The following RPS18 variants were observed in gnomAD, a reference collection of about 807,000 sequenced individuals.
The protein encoded by RPS18 is small ribosomal subunit protein uS13.
For missense variants in RPS18, 49 were observed against 200.8 expected, an observed-to-expected ratio of 0.24 and a Z score of 4.57; for synonymous variants, 64 against 70.9, an observed-to-expected ratio of 0.90 and a Z score of 0.49.
intron 1 of RPS18, 67 bp downstream of exon 1, chr6:33,272,189 G>C (rs915140259): frequency 3.9e-6 from 6 of 1,542,638 alleles, no homozygotes; most frequent in African/African-American, 1.4e-5. Context: ...CGGCTGTCAG[G>C]GTTCTGGAAA....
chr6:33,272,392 G>A, intron 1 of RPS18: 1 of 605,304 alleles, frequency 1.7e-6, no homozygotes, highest in Non-Finnish European at 2.9e-6. Flanking sequence ...GAATGGGCAG[G>A]AGACCTGCTT....
intron 1 of RPS18, 109 bp from the exon 2 acceptor site, chr6:33,272,519 C>T (rs1279141919): frequency 1.9e-5 from 14 of 749,666 alleles, no homozygotes; most frequent in Non-Finnish European, 3.2e-5. Flanking sequence ...GGTGTCTTGC[C>T]ACTTGTGTGA....
In RPS18 at chr6:33,272,182, C is replaced by T. The variant is rs539089628; in HGVS notation, c.3+60C>T. ...TCGCAGCTCGGGCAAGGAAAGCCGG[C>T]TGTCAGGGTTCTGGAAACGTCCTGC... On this transcript the variant is annotated intron_variant, in intron 1 of 5. Coordinates refer to ENST00000439602, the MANE Select transcript of RPS18 (RefSeq NM_022551.3). 847 of 1,546,234 alleles carry T rather than the reference C, an allele frequency of 5.5e-4. 2 individuals carry two copies. Among genetic ancestry groups the T allele is most frequent in the Non-Finnish European group, 6.8e-4 (772 of 1,142,854 alleles).
rs1394697546 is a variant in RPS18 at position 33,275,722 on chromosome 6, G to C, written c.103-75G>C. On this transcript the variant is annotated intron_variant, in intron 2 of 5. Coordinates refer to ENST00000439602, the MANE Select transcript of RPS18 (RefSeq NM_022551.3). ...ATTATTGCAGATCCTACCTTTGTGA[G>C]CTTTTTGAATGAGGCTATAAAGGAA... 3 of 979,464 alleles carry C rather than the reference G, an allele frequency of 3.1e-6. No homozygotes were observed. The South Asian group carries it at 3.9e-5, about 13-fold the overall frequency. 60.7% of individuals were successfully genotyped at this position (979,464 alleles called of 1,614,324 possible).
chr6:33,273,967 A>G (rs891653990), intron 2 of RPS18, among the ~76,000 whole-genome samples: 2 of 152,170 alleles, frequency 1.3e-5, no homozygotes, highest in African/African-American at 4.8e-5. Flanking sequence ...ATGTTTATTT[A>G]TTTATCCCGA....
Position 33,276,504 on chromosome 6 carries a change from C to T in RPS18, c.*38C>T. On this transcript the variant is annotated 3_prime_UTR_variant, in exon 6 of 6. Coordinates refer to ENST00000439602, the MANE Select transcript of RPS18 (RefSeq NM_022551.3). ...TGTCTGTTAATAAATAGTTTATATA[C>T]CTATGGCTTCCTGTCCTTTCTGTCC... 8.3e-6 allele frequency: 12 copies of T among 1,452,500 alleles called. No homozygotes were observed. Among genetic ancestry groups the T allele is most frequent in the South Asian group, 1.2e-5 (1 of 83,612 alleles). The allele number at this position is 1,452,500 out of a possible 1,614,324, so 90.0% of individuals were successfully genotyped here.
chr6:33,275,641 G>A (rs1765579310), intron 2 of RPS18, 156 bp from the exon 3 acceptor site: 4 of 686,504 alleles, frequency 5.8e-6, no homozygotes, highest in Admixed American at 2.3e-5. Context: ...TCTGTCGAAC[G>A]GTTTATATCT....
In RPS18 at chr6:33,276,080, T is replaced by C; in HGVS notation, c.291+14T>C. On this transcript the variant is annotated intron_variant, in intron 4 of 5. Transcript: ENST00000439602. Reference sequence around the variant, plus strand: ...AAATACAGCCAGGTGTGTACTGAAATGAGGGCAGGATTAGAGGAAGGGTGG... The same window carrying C: ...AAATACAGCCAGGTGTGTACTGAAACGAGGGCAGGATTAGAGGAAGGGTGG... 1.2e-6 allele frequency: 2 copies of C among 1,611,186 alleles called. No individual in the cohort carries two copies. The highest frequency in any genetic ancestry group is 1.7e-6 in the Non-Finnish European group (2 of 1,177,466).
At position 33,275,955 on chromosome 6, in the gene RPS18, T is replaced by G; in HGVS notation, c.190-10T>G. On this transcript the variant is annotated splice_polypyrimidine_tract_variant and intron_variant, in intron 3 of 5. Coordinates refer to ENST00000439602, the MANE Select transcript of RPS18 (RefSeq NM_022551.3). ...GGTCCATCTAGATCTGACCTTGGTC[T>G]GCCTGCCAGGTGGAACGTGTGATCA... 6.2e-7 allele frequency: 1 copy of G among 1,613,762 alleles called. No homozygotes were observed. The highest frequency in any genetic ancestry group is 8.5e-7 in the Non-Finnish European group (1 of 1,179,676).
chr6:33,274,070 C>G (rs1482268563), intron 2 of RPS18, among the ~76,000 whole-genome samples: 3 of 152,158 alleles, frequency 2.0e-5, no homozygotes, highest in Non-Finnish European at 4.4e-5. Context: ...AGATTACAGG[C>G]ACACGCCCAG....
Position 33,276,043 on chromosome 6 carries a change from G to A in RPS18, c.268G>A (p.Val90Ile). 2 of 1,614,098 alleles carry A rather than the reference G, an allele frequency of 1.2e-6. No individual in the cohort carries two copies. Among genetic ancestry groups the A allele is most frequent in the Non-Finnish European group, 1.7e-6 (2 of 1,179,932 alleles). ...CTGGTTCTTGAACAGACAGAAGGAT[G>A]TAAAGGATGGAAAATACAGCCAGGT... ...PDWFLNRQKDVKDGKYSQVLA... is the reference protein window; with the variant it reads ...PDWFLNRQKDIKDGKYSQVLA... The change falls in exon 4 of 6, where the codon GTA (valine) becomes ATA (isoleucine). Residue 90 changes from valine (V) to isoleucine (I), a missense_variant. Val to Ile is a conservative substitution (Grantham distance 29). Coordinates refer to ENST00000439602, the MANE Select transcript of RPS18 (RefSeq NM_022551.3).
intron 1 of RPS18, 94 bp downstream of exon 1, chr6:33,272,216 C>G: frequency 7.2e-7 from 1 of 1,384,934 alleles, no homozygotes. Context: ...GCCCTGAGGG[C>G]CTGCGACTTT....
At chr6:33,272,273 T>G (rs1765252401) in intron 1 of RPS18, 151 bp downstream of exon 1, 1 of 894,212 alleles carries the variant, frequency 1.1e-6, no homozygotes, top group Admixed American at 2.3e-5. Flanking sequence ...CACCAAAGAT[T>G]TCCAATTCCG....
chr6:33,272,765 G>A (rs909867937), intron 2 of RPS18, 39 bp downstream of exon 2: 2 of 1,016,588 alleles, frequency 2.0e-6, no homozygotes, highest in African/African-American at 1.6e-5. Flanking sequence ...ATGTAAATGA[G>A]AATTGGGTTG....
In RPS18 at chr6:33,276,159, C is replaced by T. The variant is rs1765610139; in HGVS notation, c.292-17C>T. On this transcript the variant is annotated splice_polypyrimidine_tract_variant and intron_variant, in intron 4 of 5. Transcript: ENST00000439602. ...GTCAGGGGATAAAACATCCCTTGCC[C>T]CCTCCTCTGAATCCAGGTCCTAGCC... 3 of 1,612,878 alleles carry T rather than the reference C, an allele frequency of 1.9e-6. No individual in the cohort carries two copies. Among genetic ancestry groups the T allele is most frequent in the African/African-American group, 1.3e-5 (1 of 74,842 alleles).
At chr6:33,274,820 C>T (rs922635044) in intron 2 of RPS18, among the ~76,000 whole-genome samples, 1 of 152,154 alleles carries the variant, frequency 6.6e-6, no homozygotes, top group African/African-American at 2.4e-5. Flanking sequence ...GGGCCACATT[C>T]TGATGTTCTA....
rs776859370 is a variant in RPS18 at position 33,276,374 on chromosome 6, T to C, written c.384-17T>C. On this transcript the variant is annotated splice_polypyrimidine_tract_variant and intron_variant, in intron 5 of 5. Coordinates refer to ENST00000439602, the MANE Select transcript of RPS18 (RefSeq NM_022551.3). ...TCTGCTGTGCATGACCTGTGACTCT[T>C]CTCTTTTTACCTGCAGCCTTCGTGT... The C allele has an allele frequency of 1.2e-6, 2 of 1,613,650 alleles. No individual in the cohort carries two copies. Among genetic ancestry groups the C allele is most frequent in the Non-Finnish European group, 1.7e-6 (2 of 1,179,644 alleles).
chr6:33,276,347 T>C, intron 5 of RPS18, 44 bp from the exon 6 acceptor site: 1 of 1,609,884 alleles, frequency 6.2e-7, no homozygotes, highest in Middle Eastern at 1.7e-4. Flanking sequence ...CAACCTTTTG[T>C]TTCTGCTGTG....
At chr6:33,276,298 C>T in intron 5 of RPS18, 31 bp downstream of exon 5, 3 of 1,606,262 alleles carry the variant, frequency 1.9e-6, no homozygotes, top group Non-Finnish European at 2.6e-6. Flanking sequence ...CCCTGCCTAC[C>T]TCGACTCAGC....
Sources: allele counts gnomAD v4.1 joint callset (sites outside exome capture counted in the v4.1 genomes callset), GRCh38; gene constraint gnomAD v4.1.1; transcripts MANE v1.5; gene names NCBI Gene and HGNC (gene_info 2026-07-23, HGNC 2026-07-21).